Variants in SNRNP40 observed in about 807,000 individuals in gnomAD.
SNRNP40 encodes the protein small nuclear ribonucleoprotein U5 subunit 40, also known as U5 small nuclear ribonucleoprotein 40 kDa protein.
In SNRNP40, 21 loss-of-function variants were observed where a neutral mutation model predicts 45.8. The ratio of observed to expected loss-of-function variants is 0.46; its 90% CI spans 0.32 to 0.66. The LOEUF is 0.66. SNRNP40 is among the 30% of genes least tolerant of loss of function. The pLI, the probability that SNRNP40 is intolerant of heterozygous loss-of-function variation, is 0.03. For synonymous variants in SNRNP40, 142 were observed against 163.8 expected (o/e 0.87, Z 1.01); for missense variants, 344 against 439.1 (o/e 0.78, Z 1.94).
chr1:31,294,939 T>C (rs1282216646), intron 1 of SNRNP40, among the ~76,000 whole-genome samples: 1 of 135,270 alleles, frequency 7.4e-6, no homozygotes, highest in African/African-American at 2.8e-5. Context: ...CAAAATTCCA[T>C]CTTAAAAAAA....
chr1:31,263,345 T>A (rs7534592), intron 8 of SNRNP40: 1 of 150,170 alleles, frequency 6.7e-6, no homozygotes, highest in Non-Finnish European at 1.5e-5. Flanking sequence ...CAATTAATTT[T>A]TTTTTTTTTT....
intron 5 of SNRNP40, among the ~76,000 whole-genome samples, chr1:31,277,666 A>T (rs1645985199): frequency 6.6e-6 from 1 of 152,192 alleles, no homozygotes; most frequent in Non-Finnish European, 1.5e-5. Context: ...AAAAATTTGA[A>T]TGTTTGTGGA....
At chr1:31,263,582 T>C in intron 8 of SNRNP40, 1 of 458,338 alleles carries the variant, frequency 2.2e-6, no homozygotes. Flanking sequence ...GAAGTAAAAC[T>C]TGAAGGGCAA....
At position 31,267,876 on chromosome 1, in the gene SNRNP40, G is replaced by A. The variant is rs751397476; in HGVS notation, c.915C>T (p.Ala305=). The part of the protein sequence containing the change: ...PDGSKIAAGS[A]DRFVYVWDTT... ...TTGCACCCACTAATCCTTACCTGTC[G>A]GCTGAGCCAGCTGCTATTTTGCTTC... Residue 305 remains alanine (A), a synonymous_variant, in exon 8 of 10, where the codon GCC becomes GCT. Coordinates refer to ENST00000263694, the MANE Select transcript of SNRNP40 (RefSeq NM_004814.3). 26 of 1,611,970 alleles carry A rather than the reference G, an allele frequency of 1.6e-5. No individual in the cohort carries two copies. Among genetic ancestry groups the A allele is most frequent in the Admixed American group, 3.3e-5 (2 of 59,956 alleles).
chr1:31,287,100 A>T lies in SNRNP40; in HGVS notation c.531+2154T>A, dbSNP rs1330841001. Reference sequence around the variant, plus strand: ...TTTGCTTTCTGTTAAGAACTCTGACATGTAAAAAGCAACATGACTTTTTTT... The same window carrying T: ...TTTGCTTTCTGTTAAGAACTCTGACTTGTAAAAAGCAACATGACTTTTTTT... On this transcript the variant is annotated intron_variant, in intron 4 of 9. Transcript: ENST00000263694. Among the ~76,000 whole-genome samples the T allele has an allele frequency of 2.6e-5, 4 of 152,354 alleles. No homozygotes were observed. The South Asian group carries it at 8.3e-4, about 32-fold the overall frequency.
chr1:31,276,312 T>C (rs924483404), intron 5 of SNRNP40, among the ~76,000 whole-genome samples: 9 of 152,136 alleles, frequency 5.9e-5, no homozygotes, highest in African/African-American at 2.2e-4. Flanking sequence ...GAATTCAAGG[T>C]TACAGTGAGC....
intron 3 of SNRNP40, 32 bp downstream of exon 3, chr1:31,291,878 TGAG>T: frequency 5.2e-6 from 7 of 1,337,646 alleles, no homozygotes; most frequent in Non-Finnish European, 7.5e-6. Flanking sequence ...AGAATTAGTA[TGAG>T]AAGCTGTCCT....
chr1:31,261,203 T>A, intron 9 of SNRNP40: 1 of 331,828 alleles, frequency 3.0e-6, no homozygotes, highest in Non-Finnish European at 5.7e-6. Context: ...AAAAAAAAAT[T>A]AGCTGGGCAT....
chr1:31,259,931 A>C lies in SNRNP40; in HGVS notation c.*141T>G, dbSNP rs776453270. On this transcript the variant is annotated 3_prime_UTR_variant, in exon 10 of 10. Coordinates refer to ENST00000263694, the MANE Select transcript of SNRNP40 (RefSeq NM_004814.3). ...GAAATGGGACAGAAGTGGTTTTTGG[A>C]ATATGGCCACCGCCTCCTGTTTCTT... 1.4e-5 allele frequency: 10 copies of C among 731,640 alleles called. No homozygotes were observed. Among genetic ancestry groups the C allele is most frequent in the African/African-American group, 1.0e-4 (6 of 57,588 alleles). 45.3% of individuals were successfully genotyped at this position (731,640 alleles called of 1,614,324 possible).
intron 2 of SNRNP40, among the ~76,000 whole-genome samples, 186 bp from the exon 3 acceptor site, chr1:31,292,192 A>G (rs1192925653): frequency 3.3e-5 from 5 of 152,132 alleles, no homozygotes; most frequent in Non-Finnish European, 5.9e-5. Context: ...GCGAAACCCC[A>G]TCTTTAATAA....
At position 31,293,308 on chromosome 1, in the gene SNRNP40, A is replaced by T. The variant is rs1405763881; in HGVS notation, c.182T>A (p.Leu61Gln). Residue 61 changes from leucine to glutamine, a missense_variant, in exon 2 of 10, where the codon CTG becomes CAG. Leu to Gln is a moderately radical substitution (Grantham distance 113). This residue lies in a region of SNRNP40 where 254 missense variants were observed against 380.2 expected (regional missense o/e 0.67). Coordinates refer to ENST00000263694, the MANE Select transcript of SNRNP40 (RefSeq NM_004814.3). ...GACTTCCCCTTCATGTCCAGAGAGC[A>T]GCATGATTGGGGCTTGAAGGGAGGA... is the stretch of plus-strand genomic sequence containing the variant. ...RCSSLQAPIM[L>Q]LSGHEGEVYC... 6 of 1,613,770 alleles carry T rather than the reference A, an allele frequency of 3.7e-6. No homozygotes were observed. The highest frequency in any genetic ancestry group is 4.2e-6 in the Non-Finnish European group (5 of 1,179,908).
At chr1:31,285,039 T>C (rs1255895512) in intron 4 of SNRNP40, among the ~76,000 whole-genome samples, 1 of 152,190 alleles carries the variant, frequency 6.6e-6, no homozygotes, top group Non-Finnish European at 1.5e-5. Flanking sequence ...TCAGGTCAAA[T>C]CTATCTTTGT....
intron 4 of SNRNP40, among the ~76,000 whole-genome samples, chr1:31,287,222 A>G (rs1646066147): frequency 6.6e-6 from 1 of 152,238 alleles, no homozygotes; most frequent in Non-Finnish European, 1.5e-5. Context: ...ACTGAAAAGT[A>G]CATTGCAAAA....
chr1:31,291,577 G>C (rs999382926), intron 3 of SNRNP40, among the ~76,000 whole-genome samples: 7 of 152,098 alleles, frequency 4.6e-5, no homozygotes, highest in African/African-American at 1.7e-4. Flanking sequence ...TATTTGGGAG[G>C]CTGAAGTGGG....
chr1:31,270,336 C>T (rs1004722559), intron 6 of SNRNP40, among the ~76,000 whole-genome samples: 5 of 152,044 alleles, frequency 3.3e-5, no homozygotes, highest in African/African-American at 4.8e-5. Context: ...TCATAAAGAA[C>T]GCTAGAATTA....
intron 5 of SNRNP40, among the ~76,000 whole-genome samples, chr1:31,278,404 T>C (rs559669872): frequency 1.3e-5 from 2 of 152,336 alleles, no homozygotes; most frequent in African/African-American, 4.8e-5. Flanking sequence ...AGTGAATCTA[T>C]GCAAACATTA....
At chr1:31,262,293 G>A (rs766010958) in intron 8 of SNRNP40, among the ~76,000 whole-genome samples, 1 of 151,992 alleles carries the variant, frequency 6.6e-6, no homozygotes, top group Admixed American at 6.6e-5. Flanking sequence ...GCCGAGGTGC[G>A]TGGATCGTCT....
At chr1:31,277,809 C>T (rs961351760) in intron 5 of SNRNP40, among the ~76,000 whole-genome samples, 36 of 152,324 alleles carry the variant, frequency 2.4e-4, no homozygotes, top group African/African-American at 7.7e-4. Flanking sequence ...AGTCTTGTGC[C>T]TCAGCCTCTT....
intron 1 of SNRNP40, among the ~76,000 whole-genome samples, chr1:31,294,104 T>C (rs1190023125): frequency 6.6e-6 from 1 of 151,652 alleles, no homozygotes; most frequent in Non-Finnish European, 1.5e-5. Context: ...ATTACAGGCA[T>C]GCACAACCAC....
Sources: gnomAD v4.1 joint callset for allele counts (sites outside exome capture counted in the v4.1 genomes callset) on GRCh38, gnomAD v4.1.1 for gene constraint, gnomAD v4.1.1 regional missense constraint, MANE v1.5 for transcripts, NCBI Gene and HGNC (gene_info 2026-07-23, HGNC 2026-07-21) for gene names.